Variants in APLF observed in about 807,000 individuals in gnomAD.
APLF encodes the protein aprataxin and PNK-like factor.
In APLF, 61 loss-of-function variants were observed where a neutral mutation model predicts 55.6. The ratio of observed to expected loss-of-function variants is 1.10; its 90% CI spans 0.89 to 1.36. The LOEUF (loss-of-function observed/expected upper bound fraction) is 1.36. APLF is among the 40% of genes most tolerant of loss of function. The pLI, the probability that APLF is intolerant of heterozygous loss-of-function variation, is 0.00. For synonymous variants in APLF, 207 were observed against 214.8 expected (o/e 0.96, Z 0.32); for missense variants, 611 against 602.5 (o/e 1.01, Z -0.15).
chr2:68,539,621 C>T (rs938983489), intron 7 of APLF, among the ~76,000 whole-genome samples: 2 of 152,222 alleles, frequency 1.3e-5, no homozygotes, highest in African/African-American at 4.8e-5. Context: ...GGGAACAATG[C>T]ACTTCATAAC....
intron 8 of APLF, among the ~76,000 whole-genome samples, chr2:68,550,859 C>T (rs1670840453): frequency 6.6e-6 from 1 of 152,268 alleles, no homozygotes; most frequent in South Asian, 2.1e-4. Flanking sequence ...TACCTCTGTA[C>T]ATTAACTCAC....
intron 2 of APLF, among the ~76,000 whole-genome samples, chr2:68,496,319 G>C (rs777660814): frequency 2.0e-5 from 3 of 152,108 alleles, no homozygotes; most frequent in Non-Finnish European, 4.4e-5. Context: ...TAGCCAGCCT[G>C]GTCTCAAGCT....
At chr2:68,549,377 T>C (rs940259370) in intron 8 of APLF, among the ~76,000 whole-genome samples, 9 of 152,124 alleles carry the variant, frequency 5.9e-5, no homozygotes, top group Admixed American at 3.9e-4. Flanking sequence ...CCTTTGAATA[T>C]TATTTCCCTC....
At chr2:68,490,362 A>C in intron 2 of APLF, 101 bp downstream of exon 2, 1 of 841,246 alleles carries the variant, frequency 1.2e-6, no homozygotes, top group East Asian at 2.8e-5. Context: ...TAGGGAATTA[A>C]TGTCAGAATA....
chr2:68,507,901 A>C (rs934347897), intron 3 of APLF, among the ~76,000 whole-genome samples: 2 of 151,822 alleles, frequency 1.3e-5, no homozygotes, highest in African/African-American at 4.8e-5. Flanking sequence ...AAATTGTTGA[A>C]AATCTAAGTA....
In APLF at chr2:68,484,995, T is replaced by A. The variant is rs1259838542; in HGVS notation, c.97-5195T>A. Among the ~76,000 whole-genome samples the A allele has an allele frequency of 2.6e-5, 4 of 152,238 alleles. No individual in the cohort carries two copies. The East Asian group carries it at 5.8e-4, about 22-fold the overall frequency. ...GTGTGTGTGTGTGCGCACATTTTTT[T>A]CTTTCTCCTGAACACAGTTGAAAGT... On this transcript the variant is annotated intron_variant, in intron 1 of 9. Transcript: ENST00000303795.
chr2:68,538,147 G>C lies in APLF; in HGVS notation c.1080G>C (p.Lys360Asn). Residue 360 changes from lysine (K) to asparagine (N), a missense_variant, in exon 7 of 10, where the codon AAG (lysine) becomes AAC (asparagine). Transcript: ENST00000303795. ...CCAATCCTGAAACTTTGCATGCAAA[G>C]GCAACTGATTCAGTTCTACAAGGTT... ...NPSNPETLHA[K>N]ATDSVLQGSE... The C allele has an allele frequency of 6.2e-7, 1 of 1,614,080 alleles. No individual in the cohort carries two copies. The highest frequency in any genetic ancestry group is 1.7e-5 in the Admixed American group (1 of 60,008).
chr2:68,485,295 C>T (rs1272846766), intron 1 of APLF, among the ~76,000 whole-genome samples: 1 of 152,004 alleles, frequency 6.6e-6, no homozygotes, highest in Non-Finnish European at 1.5e-5. Flanking sequence ...TTCTGTGAGT[C>T]CAGGCCAGTT....
At chr2:68,555,991 G>T (rs1332428808) in intron 8 of APLF, among the ~76,000 whole-genome samples, 2 of 152,174 alleles carry the variant, frequency 1.3e-5, no homozygotes, top group African/African-American at 4.8e-5. Flanking sequence ...ACAGTGCAAA[G>T]AAAGTATGAT....
At chr2:68,505,970 G>C (rs1676863840) in intron 3 of APLF, among the ~76,000 whole-genome samples, 1 of 151,918 alleles carries the variant, frequency 6.6e-6, no homozygotes, top group South Asian at 2.1e-4. Flanking sequence ...TTCATCTTTA[G>C]AGGCTTTCCA....
intron 3 of APLF, among the ~76,000 whole-genome samples, chr2:68,506,890 CA>C (rs1201670931): frequency 2.6e-5 from 4 of 151,634 alleles, no homozygotes; most frequent in African/African-American, 9.7e-5. Flanking sequence ...GGAAAAAACC[CA>C]AAAAGGTTAT....
rs551716763 is a variant in APLF at position 68,556,779 on chromosome 2, A to G, written c.1287-10562A>G. Among the ~76,000 whole-genome samples the G allele has an allele frequency of 1.6e-4, 25 of 152,242 alleles. 1 individual carries two copies. Among genetic ancestry groups the G allele is most frequent in the Middle Eastern group, 3.4e-3 (1 of 294 alleles). On this transcript the variant is annotated intron_variant, in intron 8 of 9. Coordinates refer to ENST00000303795, the MANE Select transcript of APLF (RefSeq NM_173545.3). ...GATGTCTTTCAGAAGCTAGTGTCCT[A>G]TTTTTTAAAATTATAATGTCTTCTG...
chr2:68,532,143 C>G (rs768896307), intron 6 of APLF, among the ~76,000 whole-genome samples: 1 of 152,158 alleles, frequency 6.6e-6, no homozygotes, highest in Non-Finnish European at 1.5e-5. Context: ...GAACACTGAA[C>G]CTTTAGAACA....
intron 8 of APLF, among the ~76,000 whole-genome samples, chr2:68,558,809 C>T (rs1671086655): frequency 6.6e-6 from 1 of 152,068 alleles, no homozygotes; most frequent in Non-Finnish European, 1.5e-5. Context: ...CCCGACCACT[C>T]ACCACCGACA....
chr2:68,548,308 A>G (rs371552429), intron 8 of APLF, among the ~76,000 whole-genome samples: 3 of 151,964 alleles, frequency 2.0e-5, no homozygotes, highest in Non-Finnish European at 4.4e-5. Flanking sequence ...GAGAATAAAA[A>G]CAAAGCACAC....
At chr2:68,525,420 C>G (rs1670010982) in intron 5 of APLF, among the ~76,000 whole-genome samples, 1 of 151,986 alleles carries the variant, frequency 6.6e-6, no homozygotes, top group South Asian at 2.1e-4. Context: ...AAATTCAATT[C>G]TACAATTAAA....
intron 8 of APLF, among the ~76,000 whole-genome samples, chr2:68,559,210 C>T (rs1427622471): frequency 6.6e-6 from 1 of 152,074 alleles, no homozygotes; most frequent in Non-Finnish European, 1.5e-5. Flanking sequence ...TCTTGATTCA[C>T]TGTGGAGAGA....
chr2:68,559,716 CAT>C (rs942569609), intron 8 of APLF, among the ~76,000 whole-genome samples: 8 of 152,278 alleles, frequency 5.3e-5, no homozygotes, highest in African/African-American at 1.9e-4. Flanking sequence ...CCACCCCAGT[CAT>C]AACCACCATC....
intron 5 of APLF, among the ~76,000 whole-genome samples, chr2:68,519,109 T>C (rs1669808734): frequency 7.5e-6 from 1 of 133,062 alleles, no homozygotes; most frequent in South Asian, 2.1e-4. Context: ...TAATATAATA[T>C]ATAATATATA....
Sources: gnomAD v4.1 joint callset for allele counts (sites outside exome capture counted in the v4.1 genomes callset) on GRCh38, gnomAD v4.1.1 for gene constraint, MANE v1.5 for transcripts, NCBI Gene and HGNC (gene_info 2026-07-23, HGNC 2026-07-21) for gene names.